Variants in ENTHD1 observed in about 807,000 individuals in gnomAD.
ENTHD1 encodes the protein ENTH domain containing 1, also known as ENTH domain-containing protein 1.
A neutral mutation model predicts 39.1 loss-of-function variants in ENTHD1; 23 were observed. That is an observed-to-expected ratio of 0.59 (90% CI 0.42 to 0.83). ENTHD1 has a LOEUF of 0.83. Among genes scored for constraint, ENTHD1 ranks in the 40% least tolerant of loss-of-function variants. The probability of loss-of-function intolerance (pLI) is 0.00; values close to 1 mark genes in which losing one functional copy is unlikely to be tolerated. For synonymous variants in ENTHD1, 230 were observed against 258.2 expected (o/e 0.89, Z 1.05); for missense variants, 624 against 705.4 (o/e 0.88, Z 1.31).
intron 5 of ENTHD1, among the ~76,000 whole-genome samples, chr22:39,776,709 C>G (rs908269696): frequency 1.3e-5 from 2 of 152,064 alleles, no homozygotes; most frequent in Non-Finnish European, 2.9e-5. Context: ...ATGCTTTGAG[C>G]CTAAGGACAA....
At chr22:39,806,090 G>A (rs2065638267) in intron 5 of ENTHD1, among the ~76,000 whole-genome samples, 1 of 152,104 alleles carries the variant, frequency 6.6e-6, no homozygotes, top group Non-Finnish European at 1.5e-5. Context: ...CTAGAAACTC[G>A]GGGGAAATCA....
At chr22:39,812,011 C>CA (rs764508128) in intron 5 of ENTHD1, among the ~76,000 whole-genome samples, 2,697 of 28,330 alleles carry the variant, frequency 0.095, 37 homozygotes, top group African/African-American at 0.17. Flanking sequence ...AACAAACAAA[C>CA]AAACAAAAAA....
chr22:39,861,337 C>T (rs531341936), intron 3 of ENTHD1, among the ~76,000 whole-genome samples: 4 of 152,184 alleles, frequency 2.6e-5, no homozygotes, highest in African/African-American at 4.8e-5. Context: ...GTCATGAGTT[C>T]GAGACCAGCC....
intron 2 of ENTHD1, among the ~76,000 whole-genome samples, chr22:39,877,367 G>A (rs571851841): frequency 2.6e-5 from 4 of 152,128 alleles, no homozygotes; most frequent in Admixed American, 6.5e-5. Flanking sequence ...AGTTGGAGTC[G>A]CCACTCCATC....
At chr22:39,888,244 C>CTT (rs2066398260) in intron 1 of ENTHD1, among the ~76,000 whole-genome samples, 1 of 141,826 alleles carries the variant, frequency 7.1e-6, no homozygotes, top group Non-Finnish European at 1.5e-5. Context: ...TCTGACATCT[C>CTT]TTTCTTTCTT....
chr22:39,880,666 A>T (rs912030266), intron 2 of ENTHD1, among the ~76,000 whole-genome samples: 1 of 152,162 alleles, frequency 6.6e-6, no homozygotes, highest in Non-Finnish European at 1.5e-5. Context: ...ATTTTTAAAA[A>T]ACTTTTTAAT....
At chr22:39,773,759 A>C (rs1284993138) in intron 5 of ENTHD1, among the ~76,000 whole-genome samples, 2 of 152,212 alleles carry the variant, frequency 1.3e-5, no homozygotes, top group African/African-American at 4.8e-5. Context: ...AATAATTCAG[A>C]TTGTAAGGTT....
Position 39,862,081 on chromosome 22 carries a change from A to AT in ENTHD1, c.350-75dup, listed in dbSNP as rs2066146659. 4.1e-6 allele frequency: 5 copies of AT among 1,222,612 alleles called. No homozygotes were observed. In the South Asian group the frequency reaches 1.6e-4, roughly 40 times the overall value. The allele number at this position is 1,222,612 out of a possible 1,614,324, so 75.7% of individuals were successfully genotyped here. ...TATAATTAATTTTTTTTCTACAGAA[A>AT]TTTTTTTAAAAATAAAAATCTCAGC... On this transcript the variant is annotated intron_variant, in intron 2 of 6. Coordinates refer to ENST00000325157, the MANE Select transcript of ENTHD1 (RefSeq NM_152512.4).
At chr22:39,765,638 CA>C (rs777050562) in intron 5 of ENTHD1, 29 bp from the exon 6 acceptor site, 25 of 1,544,226 alleles carry the variant, frequency 1.6e-5, no homozygotes, top group Non-Finnish European at 2.2e-5. Context: ...GAGCTATAAT[CA>C]AAAAATAAAA....
At chr22:39,862,568 G>GA (rs2066151366) in intron 2 of ENTHD1, among the ~76,000 whole-genome samples, 1 of 143,392 alleles carries the variant, frequency 7.0e-6, no homozygotes, top group Non-Finnish European at 1.5e-5. Context: ...AAAAAAGAAA[G>GA]AAAAAGCAAT....
At chr22:39,802,648 G>T (rs921073077) in intron 5 of ENTHD1, among the ~76,000 whole-genome samples, 94 of 152,178 alleles carry the variant, frequency 6.2e-4, no homozygotes, top group African/African-American at 2.2e-3. Flanking sequence ...CCTGCCTTGA[G>T]AGAGAAAGGG....
At position 39,863,974 on chromosome 22, in the gene ENTHD1, A is replaced by G. The variant is rs542924390; in HGVS notation, c.350-1967T>C. On this transcript the variant is annotated intron_variant, in intron 2 of 6. Transcript: ENST00000325157. Reference sequence around the variant, plus strand: ...TATTTCTTCCTTCCAAATCTACTTTATAACTGCTTCAAATCATATCATTCT... The same window carrying G: ...TATTTCTTCCTTCCAAATCTACTTTGTAACTGCTTCAAATCATATCATTCT... Among the ~76,000 whole-genome samples, 5 of 152,346 alleles carry G rather than the reference A, an allele frequency of 3.3e-5. No homozygotes were observed. In the South Asian group the frequency reaches 6.2e-4, roughly 19 times the overall value.
At chr22:39,871,535 A>G (rs1344866255) in intron 2 of ENTHD1, among the ~76,000 whole-genome samples, 1 of 152,244 alleles carries the variant, frequency 6.6e-6, no homozygotes, top group Non-Finnish European at 1.5e-5. Context: ...TATACTTACC[A>G]GTGATTTCAT....
At chr22:39,875,768 C>G in intron 2 of ENTHD1, 1 of 1,613,248 alleles carries the variant, frequency 6.2e-7, no homozygotes, top group Non-Finnish European at 8.5e-7. Flanking sequence ...ATCCGATATT[C>G]CAGAAGGCAA....
chr22:39,831,905 G>T (rs2065872154), intron 4 of ENTHD1, among the ~76,000 whole-genome samples: 1 of 152,094 alleles, frequency 6.6e-6, no homozygotes, highest in African/African-American at 2.4e-5. Context: ...TAATGAAAAG[G>T]ATAACATTTA....
chr22:39,746,125 T>G (rs1374700328), intron 6 of ENTHD1, among the ~76,000 whole-genome samples: 1 of 152,122 alleles, frequency 6.6e-6, no homozygotes, highest in Non-Finnish European at 1.5e-5. Context: ...TGTTGTCTCT[T>G]TCAAAACCTC....
intron 5 of ENTHD1, among the ~76,000 whole-genome samples, chr22:39,809,447 TC>T (rs2065668950): frequency 6.6e-6 from 1 of 152,156 alleles, no homozygotes; most frequent in African/African-American, 2.4e-5. Context: ...CAGGAAAGCC[TC>T]CCTGAGACTG....
intron 2 of ENTHD1, among the ~76,000 whole-genome samples, chr22:39,872,981 T>C (rs2066256466): frequency 6.6e-6 from 1 of 151,866 alleles, no homozygotes; most frequent in Admixed American, 6.6e-5. Context: ...TAATTTTCTT[T>C]TCTTTCTTTT....
chr22:39,808,931 A>AG (rs1233584307), intron 5 of ENTHD1, among the ~76,000 whole-genome samples: 2 of 152,166 alleles, frequency 1.3e-5, no homozygotes, highest in African/African-American at 2.4e-5. Context: ...AGTAAAAAAG[A>AG]GGGGGGAATT....
Sources: allele counts gnomAD v4.1 joint callset (sites outside exome capture counted in the v4.1 genomes callset), GRCh38; gene constraint gnomAD v4.1.1; transcripts MANE v1.5; gene names NCBI Gene and HGNC (gene_info 2026-07-23, HGNC 2026-07-21).